SVIL: variants seen among roughly 807,000 people sequenced by gnomAD.
SVIL encodes supervillin.
In SVIL, 101 loss-of-function variants were observed where a neutral mutation model predicts 240.4. The ratio of observed to expected loss-of-function variants is 0.42; its 90% CI spans 0.36 to 0.50. The LOEUF (loss-of-function observed/expected upper bound fraction) is 0.50, where lower values mean the gene tolerates loss of function less well. Among genes scored for constraint, SVIL ranks in the 20% least tolerant of loss-of-function variants. The pLI is 0.01. For missense variants in SVIL, 2,512 were observed against 2,818.7 expected (o/e 0.89, Z 2.46); for synonymous variants, 999 against 1,100.0 (o/e 0.91, Z 1.82).
chr10:29,672,747 A>G (rs1959877182), intron 2 of SVIL, among the ~76,000 whole-genome samples: 1 of 146,288 alleles, frequency 6.8e-6, no homozygotes, highest in African/African-American at 2.5e-5. Flanking sequence ...TTGGCACCCT[A>G]AATTATTTTA....
At position 29,562,801 on chromosome 10, in the gene SVIL, C is replaced by T. The variant is rs796305237; in HGVS notation, c.-51+400G>A. On this transcript the variant is annotated intron_variant, in intron 3 of 37. Transcript: ENST00000355867. ...AAAAAAAAAAAAAAAAAAAAAGAGCCGTAAGGCCTGGGGCAGCCTCCAGAG... is the reference window on the plus strand; with the variant it reads ...AAAAAAAAAAAAAAAAAAAAAGAGCTGTAAGGCCTGGGGCAGCCTCCAGAG... 1.2e-4 allele frequency among the ~76,000 whole-genome samples: 18 copies of T among 146,698 alleles called. 1 individual carries two copies. The highest frequency in any genetic ancestry group is 4.3e-4 in the African/African-American group (17 of 39,988).
chr10:29,735,551 G>A lies in SVIL; in HGVS notation c.-400+200C>T, dbSNP rs1189426740. Among the ~76,000 whole-genome samples the A allele has an allele frequency of 6.7e-6, 1 of 150,146 alleles. No homozygotes were observed. Among genetic ancestry groups the A allele is most frequent in the African/African-American group, 2.4e-5 (1 of 40,988 alleles). ...CGCGGGCCGAGCGCAGCGCCCCGTC[G>A]CAGCGGCCCGGGCACCCGCCGGCCT... is the stretch of plus-strand genomic sequence containing the variant. On this transcript the variant is annotated intron_variant, in intron 1 of 35. Coordinates refer to the SVIL transcript ENST00000375400. The surrounding 1 kb of genome is among the most constrained non-coding windows in gnomAD (Gnocchi z 4.1).
chr10:29,681,259 G>T (rs146966976), intron 2 of SVIL, among the ~76,000 whole-genome samples: 1 of 152,064 alleles, frequency 6.6e-6, no homozygotes, highest in Non-Finnish European at 1.5e-5. Context: ...TTTAGGGCAC[G>T]TGCAGGCAAG....
At chr10:29,479,175 C>T (rs951240648) in intron 29 of SVIL, among the ~76,000 whole-genome samples, 1 of 152,100 alleles carries the variant, frequency 6.6e-6, no homozygotes, top group African/African-American at 2.4e-5. Context: ...ATCTTCAGCC[C>T]CTCCTTGTAG....
intron 2 of SVIL, among the ~76,000 whole-genome samples, chr10:29,567,250 GAGC>G (rs1465174527): frequency 6.6e-6 from 1 of 152,206 alleles, no homozygotes; most frequent in Non-Finnish European, 1.5e-5. Flanking sequence ...ATTAAAGGGA[GAGC>G]AGGATGCTCC....
chr10:29,696,396 TC>T (rs1223356374), intron 1 of SVIL, among the ~76,000 whole-genome samples: 18 of 150,144 alleles, frequency 1.2e-4, no homozygotes, highest in African/African-American at 4.4e-4. Flanking sequence ...GTGAGGAGCG[TC>T]TCTGCCTGGC....
intron 5 of SVIL, among the ~76,000 whole-genome samples, chr10:29,554,575 G>C (rs1310903772): frequency 6.6e-6 from 1 of 152,126 alleles, no homozygotes; most frequent in African/African-American, 2.4e-5. Context: ...CCTTGAGCTT[G>C]AGCCCAGGAG....
chr10:29,714,529 T>G (rs1432741255), intron 1 of SVIL, among the ~76,000 whole-genome samples: 1 of 152,240 alleles, frequency 6.6e-6, no homozygotes, highest in African/African-American at 2.4e-5. Context: ...TCAGTGTTAC[T>G]AAAGCACACT....
intron 6 of SVIL, among the ~76,000 whole-genome samples, chr10:29,542,104 T>C (rs1365832034): frequency 1.3e-5 from 2 of 152,228 alleles, no homozygotes; most frequent in African/African-American, 4.8e-5. Context: ...CTTGATTTTC[T>C]CAATGAAGGA....
rs1438881655 is a variant in SVIL, at chr10:29,484,986, C to T, written c.4780-155G>A. 6.6e-6 allele frequency among the ~76,000 whole-genome samples: 1 copy of T among 152,114 alleles called. No individual in the cohort carries two copies. The highest frequency in any genetic ancestry group is 3.2e-3 in the Middle Eastern group (1 of 316). On this transcript the variant is annotated intron_variant, in intron 26 of 37. Coordinates refer to ENST00000355867, the MANE Select transcript of SVIL (RefSeq NM_021738.3). This position sits in a 1 kb window ranked among gnomAD's most constrained non-coding sequence, Gnocchi z 4.7. ...CAGACACAAAAAGGCCAGGAGATCT[C>T]AGCTGGCACTGCCCCACCGAGCCAG...
chr10:29,532,835 C>T lies in SVIL; in HGVS notation c.1532G>A (p.Gly511Asp), dbSNP rs1951472731. The T allele has an allele frequency of 7.4e-6, 12 of 1,614,032 alleles. No individual in the cohort carries two copies. The highest frequency in any genetic ancestry group is 2.7e-5 in the African/African-American group (2 of 74,932). The change falls in exon 8 of 38, where the codon GGC (glycine) becomes GAC (aspartate). Residue 511 changes from glycine (G) to aspartate (D), a missense_variant. By Grantham distance (94) the Gly-to-Asp change is moderately conservative. Transcript: ENST00000355867. Reference sequence around the variant, plus strand: ...AATGTAGAGAACCATCTCGCTCCTGCCTGTCCTCTCAGTGGGCTGGTGCGG... The same window carrying T: ...AATGTAGAGAACCATCTCGCTCCTGTCTGTCCTCTCAGTGGGCTGGTGCGG... ...QAPHQPTERT[G>D]RSEMVLYIQS...
chr10:29,676,377 A>T (rs3030587), intron 2 of SVIL, among the ~76,000 whole-genome samples: 1 of 151,230 alleles, frequency 6.6e-6, no homozygotes, highest in African/African-American at 2.4e-5. Flanking sequence ...GAAAAAAAAG[A>T]GTGTGTGTGT....
upstream of SVIL, among the ~76,000 whole-genome samples, chr10:29,736,372 C>T (rs933398692): frequency 1.3e-5 from 2 of 152,244 alleles, no homozygotes; most frequent in Admixed American, 6.5e-5. Flanking sequence ...CACGCCCCCC[C>T]GGTCCCAGGG....
At chr10:29,714,124 C>T (rs1265589516) in intron 1 of SVIL, among the ~76,000 whole-genome samples, 1 of 152,192 alleles carries the variant, frequency 6.6e-6, no homozygotes, top group Non-Finnish European at 1.5e-5. Flanking sequence ...GCTGAGGCTA[C>T]TCACCTAGAC....
chr10:29,713,990 A>G (rs1262836642), intron 1 of SVIL, among the ~76,000 whole-genome samples: 1 of 152,226 alleles, frequency 6.6e-6, no homozygotes, highest in Admixed American at 6.5e-5. Flanking sequence ...CTGGAGAAGC[A>G]CCCAATCAAT....
chr10:29,576,270 G>A (rs1955690612), intron 1 of SVIL: 1 of 252,718 alleles, frequency 4.0e-6, no homozygotes. Context: ...TGAGTGACTA[G>A]CATACTTGAT....
rs558400044 is a variant in SVIL at position 29,529,642 on chromosome 10, T to C, written c.2246+63A>G. The C allele has an allele frequency of 9.2e-6, 14 of 1,514,058 alleles. No homozygotes were observed. In the African/African-American group the frequency reaches 1.7e-4, roughly 18 times the overall value. The allele number at this position is 1,514,058 out of a possible 1,614,324, so 93.8% of individuals were successfully genotyped here. On this transcript the variant is annotated intron_variant, in intron 12 of 37. Transcript: ENST00000355867. ...ATGCCTCATTTTCATTGAACACTCT[T>C]TAAATGTATTTTTTTAAAAAAAGAC...
At chr10:29,485,911 A>T (rs1201518418) in intron 26 of SVIL, among the ~76,000 whole-genome samples, 174 bp downstream of exon 26, 3 of 152,270 alleles carry the variant, frequency 2.0e-5, no homozygotes, top group African/African-American at 7.2e-5. Context: ...AGCATTTAAG[A>T]TACCAGTAAT....
At chr10:29,558,164 C>T (rs1446880810) in intron 3 of SVIL, among the ~76,000 whole-genome samples, 2 of 152,138 alleles carry the variant, frequency 1.3e-5, no homozygotes, top group African/African-American at 4.8e-5. Flanking sequence ...CGCCACTAGC[C>T]CAGCACTGCA....
Sources: allele counts gnomAD v4.1 joint callset (sites outside exome capture counted in the v4.1 genomes callset), GRCh38; gene constraint gnomAD v4.1.1; non-coding constraint Gnocchi (gnomAD v3.1); transcripts MANE v1.5; gene names NCBI Gene and HGNC (gene_info 2026-07-23, HGNC 2026-07-21).